The following DHRSX variants were observed in gnomAD, a reference collection of about 807,000 sequenced individuals.
The protein encoded by DHRSX is polyprenol dehydrogenase.
Under a neutral mutation model 34.0 loss-of-function variants are expected in DHRSX, and 31 were observed. The ratio of observed to expected loss-of-function variants is 0.91; its 90% CI spans 0.69 to 1.23. The LOEUF is 1.23. Ranked by LOEUF, DHRSX falls within the 50% of genes most tolerant of loss-of-function variation. DHRSX has a pLI of 0.00. For missense variants in DHRSX, 414 were observed against 428.1 expected (o/e 0.97, Z 0.29); for synonymous variants, 201 against 183.8 (o/e 1.09, Z -0.76).
chrX:2,404,205 G>A (rs868280799), intron 3 of DHRSX, among the ~76,000 whole-genome samples: 1 of 151,596 alleles, frequency 6.6e-6, no homozygotes, highest in Non-Finnish European at 1.5e-5. Flanking sequence ...CCAGGGCCCC[G>A]CCCCCACCCC....
At chrX:2,317,266 T>TTTTTTTTTTTG (rs2042251924) in intron 3 of DHRSX, among the ~76,000 whole-genome samples, 1 of 140,078 alleles carries the variant, frequency 7.1e-6, no homozygotes, top group Non-Finnish European at 1.5e-5. Flanking sequence ...CTTTTTTTTT[T>TTTTTTTTTTTG]TTTGAGACAG....
At chrX:2,308,259 C>T (rs1045052906) in intron 3 of DHRSX, among the ~76,000 whole-genome samples, 7 of 151,762 alleles carry the variant, frequency 4.6e-5, no homozygotes, top group Non-Finnish European at 1.0e-4. Flanking sequence ...AGTTACTGGT[C>T]ATGATATAAA....
At chrX:2,352,157 G>A (rs998687947) in intron 3 of DHRSX, among the ~76,000 whole-genome samples, 1 of 151,946 alleles carries the variant, frequency 6.6e-6, no homozygotes, top group Admixed American at 6.6e-5. Flanking sequence ...CACAAAACAG[G>A]AAGCTTAGCT....
At chrX:2,373,015 T>C (rs1369174866) in intron 3 of DHRSX, among the ~76,000 whole-genome samples, 1 of 152,146 alleles carries the variant, frequency 6.6e-6, no homozygotes, top group Non-Finnish European at 1.5e-5. Flanking sequence ...GGGTAATTTA[T>C]AAAGAAAAAG....
At chrX:2,350,805 A>G (rs2124574696) in intron 3 of DHRSX, among the ~76,000 whole-genome samples, 1 of 152,318 alleles carries the variant, frequency 6.6e-6, no homozygotes, top group Admixed American at 6.5e-5. Flanking sequence ...TACTATTTAT[A>G]ACAGCAAAGA....
At chrX:2,442,048 T>C (rs5982587) in intron 1 of DHRSX, among the ~76,000 whole-genome samples, 116,694 of 152,130 alleles carry the variant, frequency 0.77, 45,119 homozygotes, top group East Asian at 1. Context: ...TCAATCAACA[T>C]GTATTTTGTA....
intron 6 of DHRSX, among the ~76,000 whole-genome samples, chrX:2,223,176 G>C (rs1379312027): frequency 2.0e-5 from 3 of 151,806 alleles, no homozygotes; most frequent in Admixed American, 6.6e-5. Context: ...CATGTGTCAA[G>C]GGAGGGAGCC....
intron 2 of DHRSX, among the ~76,000 whole-genome samples, chrX:2,409,482 G>A (rs1317223688): frequency 3.9e-5 from 6 of 151,938 alleles, no homozygotes; most frequent in Non-Finnish European, 7.4e-5. Flanking sequence ...GTGTCCATGC[G>A]TTCTCATTGT....
chrX:2,255,886 C>G (rs754960698), intron 5 of DHRSX, among the ~76,000 whole-genome samples: 22 of 152,076 alleles, frequency 1.4e-4, no homozygotes, highest in African/African-American at 5.1e-4. Context: ...TGCACTCCAG[C>G]CTCGATGCCT....
At chrX:2,381,683 C>T (rs904157172) in intron 3 of DHRSX, among the ~76,000 whole-genome samples, 4 of 151,630 alleles carry the variant, frequency 2.6e-5, no homozygotes, top group African/African-American at 9.7e-5. Flanking sequence ...TGTGCATCCG[C>T]CTATTTCCCC....
intron 2 of DHRSX, 142 bp from the exon 3 acceptor site, chrX:2,408,955 G>A (rs377289625): frequency 4.5e-5 from 33 of 737,820 alleles, no homozygotes; most frequent in African/African-American, 2.3e-4. Context: ...TTATCCTAGC[G>A]TCTAACTTGA....
chrX:2,424,590 T>C (rs1187749547), intron 2 of DHRSX, among the ~76,000 whole-genome samples: 51 of 152,192 alleles, frequency 3.4e-4, no homozygotes, highest in Admixed American at 3.3e-3. Flanking sequence ...TTGAGATACT[T>C]TGTTATAACA....
intron 3 of DHRSX, among the ~76,000 whole-genome samples, chrX:2,320,835 A>G (rs984921991): frequency 2.0e-5 from 3 of 151,936 alleles, no homozygotes; most frequent in Non-Finnish European, 4.4e-5. Flanking sequence ...CAGGTGCACA[A>G]TCAAGGTCTA....
rs200213466 is a variant in DHRSX, at chrX:2,315,175, AC to A, written c.287-23573del. 2.1e-4 allele frequency among the ~76,000 whole-genome samples: 28 copies of A among 130,594 alleles called. No individual in the cohort carries two copies. The East Asian group carries it at 2.8e-3, about 13-fold the overall frequency. 85.7% of individuals were successfully genotyped at this position (130,594 alleles called of 152,430 possible). A position where few individuals can be genotyped will look rare whatever the true frequency, so the allele number is the denominator to read the frequency against. On this transcript the variant is annotated intron_variant, in intron 3 of 6. Transcript: ENST00000334651. Reference sequence around the variant, plus strand: ...CTCCGTTTCAATAAAAAAAAAAAAAACGTTAGGTCTTAAGCGTGAGCTGCCT... The same window carrying A: ...CTCCGTTTCAATAAAAAAAAAAAAAAGTTAGGTCTTAAGCGTGAGCTGCCT...
In DHRSX at chrX:2,303,981, GTGGA is replaced by G. The variant is rs1197782928; in HGVS notation, c.287-12382_287-12379del. Among the ~76,000 whole-genome samples the G allele has an allele frequency of 5.2e-5, 7 of 135,294 alleles. No homozygotes were observed. In the East Asian group the frequency reaches 1.3e-3, roughly 25 times the overall value. 88.8% of individuals were successfully genotyped at this position (135,294 alleles called of 152,430 possible). On this transcript the variant is annotated intron_variant, in intron 3 of 6. Coordinates refer to ENST00000334651, the MANE Select transcript of DHRSX (RefSeq NM_145177.3). The stretch of plus-strand genomic sequence containing the variant: ...GATGGATACATGAGAGGATGGGTGA[GTGGA>G]TGGATGGATGAATTGATGGATGGAC...
At chrX:2,434,830 A>G (rs1466120115) in intron 1 of DHRSX, among the ~76,000 whole-genome samples, 2 of 152,246 alleles carry the variant, frequency 1.3e-5, no homozygotes, top group African/African-American at 2.4e-5. Flanking sequence ...ATTTAGTTTC[A>G]TCGCCATTTT....
chrX:2,319,656 T>C lies in DHRSX; in HGVS notation c.287-28053A>G, dbSNP rs1050556927. Among the ~76,000 whole-genome samples the C allele has an allele frequency of 1.2e-4, 18 of 151,974 alleles. 1 individual carries two copies. The highest frequency in any genetic ancestry group is 4.1e-4 in the African/African-American group (17 of 41,398). Reference sequence around the variant, plus strand: ...AGCATTTTTTTTCTAGCTGACTTTATAATATACATAACATACAAACTATGT... The same window carrying C: ...AGCATTTTTTTTCTAGCTGACTTTACAATATACATAACATACAAACTATGT... On this transcript the variant is annotated intron_variant, in intron 3 of 6. Transcript: ENST00000334651.
chrX:2,266,985 GA>G (rs1569481953), intron 4 of DHRSX, 38 bp from the exon 5 acceptor site: 1 of 1,601,506 alleles, frequency 6.2e-7, no homozygotes, highest in South Asian at 1.1e-5. Context: ...TTAGACTGGG[GA>G]AGACAGTGGA....
chrX:2,246,744 G>GA lies in DHRSX; in HGVS notation c.597-3515dup, dbSNP rs1376011281. On this transcript the variant is annotated intron_variant, in intron 5 of 6. Transcript: ENST00000334651. The stretch of plus-strand genomic sequence containing the variant: ...AGAAAGAAAGAAAGAAAGAAAGAAA[G>GA]AAAGAAAAAGAAAGAAAATAAAAGA... Among the ~76,000 whole-genome samples, 11 of 108,122 alleles carry GA rather than the reference G, an allele frequency of 1.0e-4. No homozygotes were observed. In the South Asian group the frequency reaches 1.7e-3, roughly 17 times the overall value. The allele number at this position is 108,122 out of a possible 152,430, so 70.9% of individuals were successfully genotyped here.
Sources: allele counts gnomAD v4.1 joint callset (sites outside exome capture counted in the v4.1 genomes callset), GRCh38; gene constraint gnomAD v4.1.1; transcripts MANE v1.5; gene names NCBI Gene and HGNC (gene_info 2026-07-23, HGNC 2026-07-21).